Variants in CFAP57 observed in about 807,000 individuals in gnomAD.
CFAP57 encodes cilia and flagella associated protein 57.
Under a neutral mutation model 146.8 loss-of-function variants are expected in CFAP57, and 116 were observed. The observed-to-expected ratio is 0.79, with a 90% CI of 0.68 to 0.92. CFAP57 has a LOEUF of 0.92. Ranked by LOEUF, CFAP57 falls within the 40% of genes least tolerant of loss-of-function variation. The probability of loss-of-function intolerance (pLI) is 0.00; values close to 1 mark genes in which losing one functional copy is unlikely to be tolerated. For synonymous variants in CFAP57, 518 were observed against 552.8 expected (o/e 0.94, Z 0.88); for missense variants, 1,377 against 1,527.2 (o/e 0.90, Z 1.64).
chr1:43,221,251 G>A lies in CFAP57; in HGVS notation c.2248-121G>A, dbSNP rs561389150. 3.5e-5 allele frequency: 22 copies of A among 632,210 alleles called. No homozygotes were observed. The South Asian group carries it at 5.3e-4, about 15-fold the overall frequency. 39.2% of individuals were successfully genotyped at this position (632,210 alleles called of 1,614,324 possible). ...GCTGCTTCATAGAACAGTGCTTGGT[G>A]CAAAATGAGGGCTTGAGAAATGTTT... On this transcript the variant is annotated intron_variant, in intron 13 of 22. Transcript: ENST00000372492.
chr1:43,238,258 C>T lies in CFAP57; in HGVS notation c.3405+3620C>T, dbSNP rs544302820. 2.0e-5 allele frequency among the ~76,000 whole-genome samples: 3 copies of T among 152,260 alleles called. No homozygotes were observed. The highest frequency in any genetic ancestry group is 1.9e-4 in the East Asian group (1 of 5,176). On this transcript the variant is annotated intron_variant, in intron 21 of 22. Transcript: ENST00000372492. The surrounding 1 kb of genome is among the most constrained non-coding windows in gnomAD (Gnocchi z 4.3). ...AGGTACTGCCATATTCTAAAGGCAT[C>T]GACTCAGGCCATGCCATTAGGGGGT...
chr1:43,207,381 C>T (rs1570088365), intron 10 of CFAP57, among the ~76,000 whole-genome samples: 4 of 152,270 alleles, frequency 2.6e-5, no homozygotes, highest in African/African-American at 9.6e-5. Context: ...TTCACTGTAC[C>T]TTTTCTGTTT....
Position 43,222,166 on chromosome 1 carries a change from G to A in CFAP57, c.2403G>A (p.Lys801=), listed in dbSNP as rs1222171818. The A allele has an allele frequency of 6.5e-7, 1 of 1,548,252 alleles. No individual in the cohort carries two copies. The change falls in exon 15 of 23, where the codon AAG becomes AAA. Residue 801 remains lysine (K), a synonymous_variant. Coordinates refer to ENST00000372492, the MANE Select transcript of CFAP57 (RefSeq NM_001378189.1). ...EYEKYQELQL[K]SQRMQEEYEK... The stretch of plus-strand genomic sequence containing the variant: ...AGAAGTACCAGGAGCTGCAGCTCAA[G>A]TCCCAGAGGATGCAGGAAGAGTATG...
In CFAP57 at chr1:43,203,880, T is replaced by G. The variant is rs936527826; in HGVS notation, c.1543-2840T>G. ...TACTTCTTGGATGTGTAGGTTAATG[T>G]TTTTCAACAAATTTGAGATTTTTCA... is the stretch of plus-strand genomic sequence containing the variant. On this transcript the variant is annotated intron_variant, in intron 9 of 22. Coordinates refer to ENST00000372492, the MANE Select transcript of CFAP57 (RefSeq NM_001378189.1). Among the ~76,000 whole-genome samples the G allele has an allele frequency of 2.6e-5, 4 of 152,212 alleles. No individual in the cohort carries two copies. The South Asian group carries it at 8.3e-4, about 32-fold the overall frequency.
intron 2 of CFAP57, among the ~76,000 whole-genome samples, chr1:43,175,277 C>A (rs1645125112): frequency 6.6e-6 from 1 of 151,650 alleles, no homozygotes; most frequent in African/African-American, 2.4e-5. Context: ...AAAATACACA[C>A]CATATATACA....
chr1:43,222,163 C>CT lies in CFAP57; in HGVS notation c.2400_2401insT (p.Lys801Ter), dbSNP rs1486049638. On this transcript the variant is annotated frameshift_variant, in exon 15 of 23. Coordinates refer to ENST00000372492, the MANE Select transcript of CFAP57 (RefSeq NM_001378189.1). LOFTEE classifies it high-confidence loss of function. ...ATGAGAAGTACCAGGAGCTGCAGCT[C>CT]AAGTCCCAGAGGATGCAGGAAGAGT... The CT allele has an allele frequency of 3.9e-6, 6 of 1,548,236 alleles. No homozygotes were observed. In the African/African-American group the frequency reaches 8.2e-5, roughly 21 times the overall value.
At chr1:43,232,468 A>G (rs1430182549) in intron 18 of CFAP57, 40 bp from the exon 19 acceptor site, 2 of 1,509,826 alleles carry the variant, frequency 1.3e-6, no homozygotes, top group Admixed American at 2.0e-5. Context: ...TTCATTATCT[A>G]ACTTTCTTCT....
chr1:43,206,827 C>T lies in CFAP57; in HGVS notation c.1650C>T (p.Cys550=), dbSNP rs780445927. The change falls in exon 10 of 23, where the codon TGC becomes TGT. Residue 550 remains cysteine, a synonymous_variant. Coordinates refer to ENST00000372492, the MANE Select transcript of CFAP57 (RefSeq NM_001378189.1). ...NLSTGKRETE[C]VLKSCSYNCV... ...CCACAGGAAAGAGAGAGACAGAATGCGTGCTCAAGTCTTGCAGCTACAACT... is the reference window on the plus strand; with the variant it reads ...CCACAGGAAAGAGAGAGACAGAATGTGTGCTCAAGTCTTGCAGCTACAACT... 24 of 1,614,034 alleles carry T rather than the reference C, an allele frequency of 1.5e-5. No individual in the cohort carries two copies. Among genetic ancestry groups the T allele is most frequent in the East Asian group, 2.2e-5 (1 of 44,884 alleles).
intron 22 of CFAP57, among the ~76,000 whole-genome samples, chr1:43,246,236 G>C (rs1646110168): frequency 6.6e-6 from 1 of 152,122 alleles, no homozygotes; most frequent in Non-Finnish European, 1.5e-5. Context: ...TGAAAAAGAA[G>C]AACAAGGTTG....
chr1:43,233,742 G>C (rs1417224796), intron 19 of CFAP57, among the ~76,000 whole-genome samples: 1 of 152,180 alleles, frequency 6.6e-6, no homozygotes, highest in Non-Finnish European at 1.5e-5. Flanking sequence ...GGTTGGGGAA[G>C]ACAGGTAAAA....
At chr1:43,176,673 G>A (rs1005513920) in intron 2 of CFAP57, among the ~76,000 whole-genome samples, 1 of 152,132 alleles carries the variant, frequency 6.6e-6, no homozygotes, top group African/African-American at 2.4e-5. Context: ...AGGGGAGAGT[G>A]ACAAACAAAA....
intron 12 of CFAP57, among the ~76,000 whole-genome samples, 170 bp from the exon 13 acceptor site, chr1:43,219,212 C>G (rs144676906): frequency 1.7e-4 from 26 of 152,298 alleles, no homozygotes; most frequent in Admixed American, 9.1e-4. Flanking sequence ...TCATATGTCT[C>G]CTCATTTTTA....
rs753576567 is a variant in CFAP57 at position 43,227,106 on chromosome 1, A to G, written c.2989A>G (p.Met997Val). 5.2e-6 allele frequency: 8 copies of G among 1,539,224 alleles called. No homozygotes were observed. Among genetic ancestry groups the G allele is most frequent in the Non-Finnish European group, 7.0e-6 (8 of 1,141,562 alleles). ...ACCTCGAGAGAATGAGATCAGGGTG[A>G]TGAAGGAACAGATTCAGGAGGTAAG... ...IEPRENEIRV[M>V]KEQIQEMEAE... The change falls in exon 18 of 23, where the codon ATG becomes GTG. Residue 997 changes from methionine (M) to valine (V), a missense_variant. Transcript: ENST00000372492.
chr1:43,211,425 A>G (rs1251412362), intron 11 of CFAP57: 3 of 152,068 alleles, frequency 2.0e-5, no homozygotes, highest in Admixed American at 6.6e-5. Flanking sequence ...AATACAAAAA[A>G]TTAGCCGGGC....
chr1:43,206,997 T>TA, intron 10 of CFAP57, 65 bp downstream of exon 10: 1 of 1,542,128 alleles, frequency 6.5e-7, no homozygotes, highest in Non-Finnish European at 8.9e-7. Flanking sequence ...TTCCCGTGCT[T>TA]ACAGCACAAA....
intron 14 of CFAP57, 53 bp downstream of exon 14, chr1:43,221,518 G>A (rs1390249078): frequency 1.7e-5 from 22 of 1,272,150 alleles, no homozygotes; most frequent in Admixed American, 2.9e-5. Context: ...GCTAGGTTAT[G>A]GGGAAACACT....
chr1:43,241,364 G>T (rs10494115), intron 21 of CFAP57, among the ~76,000 whole-genome samples: 28,492 of 151,862 alleles, frequency 0.19, 3,440 homozygotes, highest in African/African-American at 0.34. Context: ...TATACTGGAA[G>T]TCTAAAGGTG....
intron 21 of CFAP57, among the ~76,000 whole-genome samples, chr1:43,241,756 A>T (rs891205696): frequency 2.6e-5 from 4 of 152,116 alleles, no homozygotes; most frequent in African/African-American, 9.7e-5. Flanking sequence ...TTCCAGACCT[A>T]TGAGTCAGAG....
intron 12 of CFAP57, among the ~76,000 whole-genome samples, chr1:43,218,802 T>A (rs1644935260): frequency 6.6e-6 from 1 of 152,118 alleles, no homozygotes; most frequent in African/African-American, 2.4e-5. Flanking sequence ...TCTGGCTGCC[T>A]CAGTAGACTC....
Sources: gnomAD v4.1 joint callset for allele counts (sites outside exome capture counted in the v4.1 genomes callset) on GRCh38, gnomAD v4.1.1 for gene constraint, Gnocchi (gnomAD v3.1) non-coding constraint, MANE v1.5 for transcripts, NCBI Gene and HGNC (gene_info 2026-07-23, HGNC 2026-07-21) for gene names.